ELAVL2: variants seen among roughly 807,000 people sequenced by gnomAD.
The protein encoded by ELAVL2 is ELAV like RNA binding protein 2.
ELAVL2 carries 4 observed loss-of-function variants against 34.6 expected under a neutral mutation model. The ratio of observed to expected loss-of-function variants is 0.12; its 90% CI spans 0.06 to 0.26. The LOEUF is 0.26. Among genes scored for constraint, ELAVL2 ranks in the 10% least tolerant of loss-of-function variants. The pLI, the probability that ELAVL2 is intolerant of heterozygous loss-of-function variation, is 1.00. For missense variants in ELAVL2, 432 were observed against 442.8 expected, an observed-to-expected ratio of 0.98 and a Z score of 0.22; for synonymous variants, 193 against 154.8, an observed-to-expected ratio of 1.25 and a Z score of -1.83.
chr9:23,849,386 T>G, the ELAVL2 span: 1 of 152,156 alleles, frequency 6.6e-6, no homozygotes, highest in Non-Finnish European at 1.5e-5. Flanking sequence ...TATTTAAAAT[T>G]TGTCTAAGAA....
At chr9:23,816,847 G>C (rs796304000) in intron 1 of ELAVL2, among the ~76,000 whole-genome samples, 42 of 152,182 alleles carry the variant, frequency 2.8e-4, no homozygotes, top group African/African-American at 9.9e-4. Flanking sequence ...TTTAAGGTAG[G>C]CTAGACTAAG....
chr9:23,723,798 G>C (rs765522308), intron 3 of ELAVL2, among the ~76,000 whole-genome samples: 1 of 151,926 alleles, frequency 6.6e-6, no homozygotes, highest in Non-Finnish European at 1.5e-5. Flanking sequence ...CTGTTATAAG[G>C]GTTCTGCCTC....
intron 1 of ELAVL2, among the ~76,000 whole-genome samples, chr9:23,793,799 C>T (rs901047114): frequency 2.6e-5 from 4 of 152,068 alleles, no homozygotes; most frequent in Non-Finnish European, 2.9e-5. Flanking sequence ...CACCTCCAAA[C>T]TTTTATAACT....
intron 1 of ELAVL2, among the ~76,000 whole-genome samples, chr9:23,784,198 C>CA (rs2059417074): frequency 6.6e-6 from 1 of 150,518 alleles, no homozygotes; most frequent in Admixed American, 6.6e-5. Context: ...GACTCCGTCT[C>CA]AAAAAACAAA....
Position 23,690,644 on chromosome 9 carries a change from TA to T in ELAVL2, c.*1912del, listed in dbSNP as rs968029714. 27 of 152,612 alleles carry T rather than the reference TA, an allele frequency of 1.8e-4. No individual in the cohort carries two copies. Among genetic ancestry groups the T allele is most frequent in the Admixed American group, 1.8e-3 (27 of 15,284 alleles). The allele number at this position is 152,612 out of a possible 1,614,324, so 9.5% of individuals were successfully genotyped here. ...ATTTTATAACTACAATTTTAAATAA[TA>T]AAAAATAAAACTCAAAGCAACCGCA... On this transcript the variant is annotated 3_prime_UTR_variant, in exon 7 of 7. Transcript: ENST00000397312.
At chr9:23,830,682 G>C (rs371952423), upstream of ELAVL2, among the ~76,000 whole-genome samples, 4 of 137,352 alleles carry the variant, frequency 2.9e-5, no homozygotes, top group East Asian at 6.4e-4. Flanking sequence ...TAGATGATTT[G>C]CCTGCAGATA....
At chr9:23,786,371 T>C (rs2059682206) in intron 1 of ELAVL2, among the ~76,000 whole-genome samples, 1 of 152,168 alleles carries the variant, frequency 6.6e-6, no homozygotes, top group Admixed American at 6.5e-5. Flanking sequence ...GCTTATTTCA[T>C]ACTGAAATTT....
chr9:23,837,115 T>C, the ELAVL2 span, among the ~76,000 whole-genome samples: 12 of 152,134 alleles, frequency 7.9e-5, no homozygotes, highest in Non-Finnish European at 1.5e-4. Flanking sequence ...GGCCAAAATA[T>C]TTCCATCAGC....
chr9:23,829,904 GA>G (rs2065444828), upstream of ELAVL2: 1 of 152,154 alleles, frequency 6.6e-6, no homozygotes, highest in African/African-American at 2.4e-5. Flanking sequence ...GGACTTTGCG[GA>G]AAAGACTGTC....
At position 23,698,336 on chromosome 9, in the gene ELAVL2, G is replaced by A. The variant is rs191517552; in HGVS notation, c.713+3043C>T. Among the ~76,000 whole-genome samples, 595 of 152,262 alleles carry A rather than the reference G, an allele frequency of 3.9e-3. 2 individuals carry two copies. Among genetic ancestry groups the A allele is most frequent in the Admixed American group, 6.7e-3 (103 of 15,298 alleles). On this transcript the variant is annotated intron_variant, in intron 5 of 6. Coordinates refer to ENST00000397312, the MANE Select transcript of ELAVL2 (RefSeq NM_004432.5). ...TCAATTAAATAAGCGTATTAGACCAGCAGTGCTCATATTACAACAATTCTC... is the reference window on the plus strand; with the variant it reads ...TCAATTAAATAAGCGTATTAGACCAACAGTGCTCATATTACAACAATTCTC...
At chr9:23,796,362 T>C (rs1376208004) in intron 1 of ELAVL2, among the ~76,000 whole-genome samples, 1 of 152,260 alleles carries the variant, frequency 6.6e-6, no homozygotes, top group East Asian at 1.9e-4. Flanking sequence ...TACTGTCCAT[T>C]TGAAGAGCGA....
intron 1 of ELAVL2, among the ~76,000 whole-genome samples, chr9:23,811,558 T>C (rs2063004031): frequency 6.6e-6 from 1 of 152,226 alleles, no homozygotes; most frequent in African/African-American, 2.4e-5. Context: ...TGCTTCTTGC[T>C]CCTGCAACTA....
At chr9:23,797,954 A>G (rs1233896212) in intron 1 of ELAVL2, among the ~76,000 whole-genome samples, 1 of 151,672 alleles carries the variant, frequency 6.6e-6, no homozygotes, top group Admixed American at 6.6e-5. Context: ...AAAAGAAAAG[A>G]AAAAAAAAGT....
At chr9:23,833,774 G>C in the ELAVL2 span, among the ~76,000 whole-genome samples, 2 of 151,802 alleles carry the variant, frequency 1.3e-5, no homozygotes, top group Non-Finnish European at 2.9e-5. Context: ...GTGAGAAATG[G>C]CATATTATAT....
intron 2 of ELAVL2, among the ~76,000 whole-genome samples, chr9:23,741,893 A>G (rs1428299744): frequency 3.3e-5 from 5 of 151,972 alleles, no homozygotes; most frequent in African/African-American, 7.3e-5. Context: ...CCTTCCACCA[A>G]TCCTTGCCTC....
chr9:23,849,328 C>A, the ELAVL2 span, among the ~76,000 whole-genome samples: 2 of 152,106 alleles, frequency 1.3e-5, no homozygotes, highest in African/African-American at 4.8e-5. Context: ...CAGCCTCAAA[C>A]CTTTTAAGAC....
rs950310183 is a variant in ELAVL2 at position 23,691,791 on chromosome 9, T to G, written c.*766A>C. On this transcript the variant is annotated 3_prime_UTR_variant, in exon 7 of 7. Coordinates refer to ENST00000397312, the MANE Select transcript of ELAVL2 (RefSeq NM_004432.5). ...CCGCTGCAAATTTCCTGGTAAATTT[T>G]AAAAGCTCACTAGGTGTCATATGAA... 1 of 152,612 alleles carries G rather than the reference T, an allele frequency of 6.6e-6. No homozygotes were observed. Among genetic ancestry groups the G allele is most frequent in the African/African-American group, 2.4e-5 (1 of 41,452 alleles). 9.5% of individuals were successfully genotyped at this position (152,612 alleles called of 1,614,324 possible). A position where few individuals can be genotyped will look rare whatever the true frequency, so the allele number is the denominator to read the frequency against.
intron 5 of ELAVL2, 140 bp downstream of exon 5, chr9:23,701,239 G>T: frequency 2.3e-6 from 2 of 870,656 alleles, no homozygotes. Context: ...TGTGCCCATG[G>T]AGATGAAAAA....
At chr9:23,714,687 T>A (rs1249726259) in intron 3 of ELAVL2, among the ~76,000 whole-genome samples, 6 of 152,196 alleles carry the variant, frequency 3.9e-5, no homozygotes, top group African/African-American at 1.4e-4. Flanking sequence ...GAAATATAAA[T>A]GAACTTCATG....
Sources: gnomAD v4.1 joint callset for allele counts (sites outside exome capture counted in the v4.1 genomes callset) on GRCh38, gnomAD v4.1.1 for gene constraint, MANE v1.5 for transcripts, NCBI Gene and HGNC (gene_info 2026-07-23, HGNC 2026-07-21) for gene names.